REL: variants seen among roughly 807,000 people sequenced by gnomAD.
REL encodes proto-oncogene c-Rel.
A neutral mutation model predicts 45.9 loss-of-function variants in REL; 15 were observed. The ratio of observed to expected loss-of-function variants is 0.33; its 90% CI spans 0.22 to 0.50. The LOEUF (loss-of-function observed/expected upper bound fraction) is 0.50, where lower values mean the gene tolerates loss of function less well. Ranked by LOEUF, REL falls within the 20% of genes least tolerant of loss-of-function variation. REL has a pLI of 0.98. For missense variants in REL, 601 were observed against 715.2 expected (o/e 0.84, Z 1.82); for synonymous variants, 239 against 242.1 (o/e 0.99, Z 0.12).
chr2:60,904,616 G>A (rs983466455), intron 4 of REL, among the ~76,000 whole-genome samples: 8 of 151,470 alleles, frequency 5.3e-5, no homozygotes, highest in Admixed American at 1.3e-4. Flanking sequence ...GGCCAGGCAC[G>A]GTGTCTTATG....
intron 4 of REL, among the ~76,000 whole-genome samples, chr2:60,905,293 A>T (rs1043729335): frequency 3.9e-5 from 6 of 152,036 alleles, no homozygotes; most frequent in African/African-American, 9.7e-5. Flanking sequence ...ATGGGGTTTC[A>T]TCGTGTTAGC....
intron 4 of REL, among the ~76,000 whole-genome samples, chr2:60,909,193 T>C (rs1673739750): frequency 6.6e-6 from 1 of 152,168 alleles, no homozygotes; most frequent in African/African-American, 2.4e-5. Flanking sequence ...GGTCAGGCAT[T>C]GTCTTTTCAA....
At chr2:60,911,844 C>T (rs1263706062) in intron 4 of REL, among the ~76,000 whole-genome samples, 2 of 151,502 alleles carry the variant, frequency 1.3e-5, no homozygotes, top group African/African-American at 4.8e-5. Flanking sequence ...ACTTAAAATA[C>T]AAAATTAGCT....
intron 7 of REL, among the ~76,000 whole-genome samples, chr2:60,919,574 C>T (rs773512445): frequency 6.6e-5 from 10 of 151,928 alleles, no homozygotes; most frequent in Non-Finnish European, 1.3e-4. Flanking sequence ...TACAGGCATG[C>T]GCCACCACAC....
chr2:60,901,903 ATTAAGTATTTATAC>A (rs1673508671), intron 4 of REL, among the ~76,000 whole-genome samples: 2 of 152,216 alleles, frequency 1.3e-5, no homozygotes, highest in Admixed American at 6.5e-5. Flanking sequence ...GATAGCATTT[ATTAAGTATTTATAC>A]TTATGGTACT....
rs1205578418 is a variant in REL, at chr2:60,924,228, C to G, written c.*1693C>G. ...GCTTTATGTATGTCCATAGCACTCA[C>G]CACGATCTGACTTTACTAAGTATTT... On this transcript the variant is annotated 3_prime_UTR_variant, in exon 10 of 10. Transcript: ENST00000394479. 8.8e-6 allele frequency: 2 copies of G among 228,300 alleles called. No homozygotes were observed. Among genetic ancestry groups the G allele is most frequent in the Non-Finnish European group, 1.7e-5 (2 of 115,026 alleles). 14.1% of individuals were successfully genotyped at this position (228,300 alleles called of 1,614,324 possible).
intron 9 of REL, among the ~76,000 whole-genome samples, chr2:60,920,872 T>C (rs1674123040): frequency 6.6e-6 from 1 of 152,268 alleles, no homozygotes; most frequent in Admixed American, 6.5e-5. Context: ...GTTCATATGG[T>C]AGCAATTTTA....
At chr2:60,891,942 T>C (rs1331029472) in intron 2 of REL, 117 bp downstream of exon 2, 2 of 1,033,084 alleles carry the variant, frequency 1.9e-6, no homozygotes, top group East Asian at 2.7e-5. Context: ...ATCTTTTTCT[T>C]TTTTCCTTTT....
intron 1 of REL, among the ~76,000 whole-genome samples, chr2:60,885,628 T>C (rs1673053561): frequency 6.6e-6 from 1 of 152,258 alleles, no homozygotes; most frequent in Admixed American, 6.5e-5. Flanking sequence ...AGCCTTTGGC[T>C]GATGAGAGAC....
chr2:60,883,959 T>TA (rs71402308), intron 1 of REL, among the ~76,000 whole-genome samples: 37,327 of 141,092 alleles, frequency 0.26, 5,849 homozygotes, highest in Non-Finnish European at 0.38. Context: ...AGGCCTGGAA[T>TA]AAAAAAAAAA....
chr2:60,891,287 T>C (rs1304102951), intron 1 of REL, among the ~76,000 whole-genome samples: 1 of 152,250 alleles, frequency 6.6e-6, no homozygotes, highest in Non-Finnish European at 1.5e-5. Flanking sequence ...TTTAGGAGTG[T>C]GATATTTTAC....
At chr2:60,909,110 T>C (rs1191597894) in intron 4 of REL, among the ~76,000 whole-genome samples, 1 of 152,224 alleles carries the variant, frequency 6.6e-6, no homozygotes, top group Non-Finnish European at 1.5e-5. Flanking sequence ...ATTTCCATTA[T>C]AAAGTTTTTC....
At position 60,900,995 on chromosome 2, in the gene REL, C is replaced by G; in HGVS notation, c.306C>G (p.Phe102Leu). 1 of 1,600,522 alleles carries G rather than the reference C, an allele frequency of 6.2e-7. No individual in the cohort carries two copies. The highest frequency in any genetic ancestry group is 8.5e-7 in the Non-Finnish European group (1 of 1,176,406). ...EFGQERRPLF[F>L]QNLGIRCVKK... ...AATATTGTTTTTTTCCTGCTAGTTT[C>G]CAAAATTTGGGTATTCGATGTGTGA... The change falls in exon 4 of 10, where the codon TTC becomes TTG. Residue 102 changes from phenylalanine to leucine, a missense_variant. Physicochemically the swap from Phe to Leu is conservative, Grantham distance 22. Around this residue, in one of 4 missense-constraint regions of REL, gnomAD observed 241 missense variants for 347.0 expected, o/e 0.69. Transcript: ENST00000394479.
chr2:60,883,163 G>A (rs932107563), intron 1 of REL, among the ~76,000 whole-genome samples: 1 of 152,030 alleles, frequency 6.6e-6, no homozygotes, highest in African/African-American at 2.4e-5. Context: ...ATGAAGAGGG[G>A]GCCCCGTTTA....
At chr2:60,896,330 A>G (rs1484618720) in intron 3 of REL, among the ~76,000 whole-genome samples, 2 of 152,230 alleles carry the variant, frequency 1.3e-5, no homozygotes, top group East Asian at 3.8e-4. Context: ...TTTTAAAACA[A>G]TATGTAAAGA....
chr2:60,891,364 G>A (rs943132099), intron 1 of REL, among the ~76,000 whole-genome samples: 3 of 152,076 alleles, frequency 2.0e-5, no homozygotes, highest in Admixed American at 6.6e-5. Flanking sequence ...TAGGTCTCAC[G>A]TGGGAGGCAG....
chr2:60,886,656 A>G (rs6719147), intron 1 of REL, among the ~76,000 whole-genome samples: 1,697 of 152,186 alleles, frequency 0.011, 30 homozygotes, highest in African/African-American at 0.039. Flanking sequence ...TTTTCTGTAT[A>G]CTTGATGCTG....
chr2:60,918,439 G>C lies in REL; in HGVS notation c.686G>C (p.Gly229Ala). Residue 229 changes from glycine (G) to alanine (A), a missense_variant, in exon 7 of 10, where the codon GGC becomes GCC. Gly to Ala is a moderately conservative substitution (Grantham distance 60). Transcript: ENST00000394479. ...RFVLNDWEAKGIFSQADVHRQ... is the reference protein window; with the variant it reads ...RFVLNDWEAKAIFSQADVHRQ... ...GTGTTGAACGATTGGGAAGCAAAAGGCATCTTTTCACAAGCTGATGTACAC... is the reference window on the plus strand; with the variant it reads ...GTGTTGAACGATTGGGAAGCAAAAGCCATCTTTTCACAAGCTGATGTACAC... The C allele has an allele frequency of 6.2e-7, 1 of 1,613,890 alleles. No homozygotes were observed. The highest frequency in any genetic ancestry group is 8.5e-7 in the Non-Finnish European group (1 of 1,179,968).
chr2:60,916,324 A>G (rs1673960860), intron 4 of REL, among the ~76,000 whole-genome samples: 1 of 152,110 alleles, frequency 6.6e-6, no homozygotes, highest in African/African-American at 2.4e-5. Flanking sequence ...TGAGATGGGA[A>G]GATCACTTGA....
Sources: gnomAD v4.1 joint callset for allele counts (sites outside exome capture counted in the v4.1 genomes callset) on GRCh38, gnomAD v4.1.1 for gene constraint, gnomAD v4.1.1 regional missense constraint, MANE v1.5 for transcripts, NCBI Gene and HGNC (gene_info 2026-07-23, HGNC 2026-07-21) for gene names.